TGM5: variants seen among roughly 807,000 people sequenced by gnomAD.
The protein encoded by TGM5 is protein-glutamine gamma-glutamyltransferase 5.
A neutral mutation model predicts 77.2 loss-of-function variants in TGM5; 69 were observed. That is an observed-to-expected ratio of 0.89 (90% CI 0.74 to 1.09). The LOEUF is 1.09. Among genes scored for constraint, TGM5 ranks in the 50% least tolerant of loss-of-function variants. The pLI is 0.00. For synonymous variants in TGM5, 346 were observed against 351.8 expected (o/e 0.98, Z 0.18); for missense variants, 842 against 896.5 (o/e 0.94, Z 0.78).
intron 6 of TGM5, among the ~76,000 whole-genome samples, chr15:43,242,785 G>A (rs2042645953): frequency 6.6e-6 from 1 of 152,226 alleles, no homozygotes; most frequent in African/African-American, 2.4e-5. Flanking sequence ...GTTGTAGGTG[G>A]AGGTGACACA....
chr15:43,247,596 T>C (rs1035472406), intron 6 of TGM5: 46 of 149,518 alleles, frequency 3.1e-4, no homozygotes, highest in African/African-American at 8.9e-4. Flanking sequence ...AAGGGAGTTA[T>C]AGAAAAACAA....
In TGM5 at chr15:43,252,763, G is replaced by A; in HGVS notation, c.858C>T (p.Cys286=). The A allele has an allele frequency of 1.9e-6, 3 of 1,613,792 alleles. No individual in the cohort carries two copies. The highest frequency in any genetic ancestry group is 2.2e-5 in the South Asian group (2 of 91,064). ...GGGGTCCTTTCTACCTCCTACCTGT[G>A]CACATGACGGCAGCAAAGACCCAGC... The part of the protein sequence containing the change: ...GQCWVFAAVM[C]TVMRCLGIPT... Residue 286 remains cysteine, a synonymous_variant, in exon 6 of 13, where the codon TGC becomes TGT. Transcript: ENST00000220420.
In TGM5 at chr15:43,260,110, C is replaced by G; in HGVS notation, c.378G>C (p.Gly126=). Residue 126 remains glycine, a synonymous_variant, in exon 3 of 13, where the codon GGG becomes GGC. Transcript: ENST00000220420. ...CCCCTAGCTGGTAGGCCGTCACAGA[C>G]CCCTGGAAGGAGTCGATGTGGATTT... The part of the protein sequence containing the change: ...LLKIHIDSFQ[G]SVTAYQLGEF... 1 of 1,614,154 alleles carries G rather than the reference C, an allele frequency of 6.2e-7. No individual in the cohort carries two copies. Among genetic ancestry groups the G allele is most frequent in the Non-Finnish European group, 8.5e-7 (1 of 1,180,034 alleles).
chr15:43,237,791 T>C (rs576703136), intron 9 of TGM5, among the ~76,000 whole-genome samples: 11 of 152,268 alleles, frequency 7.2e-5, no homozygotes, highest in Non-Finnish European at 1.3e-4. Flanking sequence ...CCCAGCCAGC[T>C]GTCACTGTGC....
chr15:43,260,932 C>T (rs142163133), intron 1 of TGM5, among the ~76,000 whole-genome samples: 3 of 152,148 alleles, frequency 2.0e-5, no homozygotes, highest in African/African-American at 7.2e-5. Flanking sequence ...GCTTCAGATT[C>T]ACCCCAGCAT....
chr15:43,266,208 CAA>C (rs1192972169), intron 1 of TGM5, among the ~76,000 whole-genome samples: 1 of 152,076 alleles, frequency 6.6e-6, no homozygotes, highest in Admixed American at 6.6e-5. Flanking sequence ...AATTTAAACA[CAA>C]AAAGTAATAA....
chr15:43,243,814 G>T (rs1056438422), intron 6 of TGM5, among the ~76,000 whole-genome samples: 20 of 152,160 alleles, frequency 1.3e-4, no homozygotes, highest in African/African-American at 4.8e-4. Flanking sequence ...TTCCTTTCTA[G>T]TCAAGGACAT....
rs1237907843 is a variant in TGM5 at position 43,235,844 on chromosome 15, T to C, written c.1346-7A>G. The C allele has an allele frequency of 3.7e-6, 6 of 1,613,300 alleles. No individual in the cohort carries two copies. The highest frequency in any genetic ancestry group is 5.1e-6 in the Non-Finnish European group (6 of 1,179,990). The stretch of plus-strand genomic sequence containing the variant: ...TGCCTCTCCTGGAGGGATCCTGAAG[T>C]TGGGGAGAGCACAGCACCAGCTGTG... On this transcript the variant is annotated splice_region_variant and splice_polypyrimidine_tract_variant and intron_variant, in intron 9 of 12. Transcript: ENST00000220420.
chr15:43,233,769 G>A (rs2042566020), intron 11 of TGM5, 82 bp from the exon 12 acceptor site: 1 of 1,555,124 alleles, frequency 6.4e-7, no homozygotes, highest in South Asian at 1.1e-5. Flanking sequence ...ATTCTGTAAG[G>A]TGGCAGGATA....
intron 7 of TGM5, 123 bp from the exon 8 acceptor site, chr15:43,239,389 C>A: frequency 1.0e-6 from 1 of 982,138 alleles, no homozygotes; most frequent in Non-Finnish European, 1.6e-6. Flanking sequence ...GGGCTTAAAA[C>A]CTCTGTGGAT....
chr15:43,239,862 CAG>C (rs2042621220), intron 7 of TGM5: 1 of 162,332 alleles, frequency 6.2e-6, no homozygotes. Flanking sequence ...TGATGACTCA[CAG>C]AGGCACTCGT....
At chr15:43,252,628 A>G (rs1188759316) in intron 6 of TGM5, 131 bp downstream of exon 6, 9 of 1,213,940 alleles carry the variant, frequency 7.4e-6, no homozygotes, top group Non-Finnish European at 1.1e-5. Flanking sequence ...GACATTTCAG[A>G]GAGGAAAAGG....
chr15:43,251,432 A>G (rs995630894), intron 6 of TGM5, among the ~76,000 whole-genome samples: 2 of 151,994 alleles, frequency 1.3e-5, no homozygotes, highest in African/African-American at 4.8e-5. Context: ...TGGCACATAT[A>G]TGCACACGAA....
chr15:43,241,367 G>A (rs572239913), intron 6 of TGM5: 6 of 335,672 alleles, frequency 1.8e-5, no homozygotes, highest in Non-Finnish European at 3.5e-5. Flanking sequence ...AGCCAAAGCT[G>A]GAATTCCATT....
chr15:43,260,390 G>A lies in TGM5; in HGVS notation c.190+10C>T. On this transcript the variant is annotated intron_variant, in intron 2 of 12. Transcript: ENST00000220420. ...ACACACAGCCCCTGTGAGCCAGCTG[G>A]GGTTCTTACCAGTTTCAACCACGAA... 1.2e-6 allele frequency: 2 copies of A among 1,614,184 alleles called. No individual in the cohort carries two copies. The highest frequency in any genetic ancestry group is 1.7e-6 in the Non-Finnish European group (2 of 1,180,040).
chr15:43,263,821 A>T (rs916468683), intron 1 of TGM5, among the ~76,000 whole-genome samples: 4 of 152,246 alleles, frequency 2.6e-5, no homozygotes, highest in African/African-American at 9.6e-5. Flanking sequence ...ATTGGACCTC[A>T]TCAAAATTAA....
At position 43,260,142 on chromosome 15, in the gene TGM5, G is replaced by A. The variant is rs1485657658; in HGVS notation, c.346C>T (p.Leu116Phe). Reference protein sequence around the residue: ...APPTAAVGRYLLKIHIDSFQG... With the variant: ...APPTAAVGRYFLKIHIDSFQG... Reference sequence around the variant, plus strand: ...AAGGAGTCGATGTGGATTTTCAAGAGGTACCGACCCACGGCCGCCGTGGGA... The same window carrying A: ...AAGGAGTCGATGTGGATTTTCAAGAAGTACCGACCCACGGCCGCCGTGGGA... Residue 116 changes from leucine (L) to phenylalanine (F), a missense_variant, in exon 3 of 13, where the codon CTC becomes TTC. Around this residue, in one of 2 missense-constraint regions of TGM5, gnomAD observed 815 missense variants for 844.6 expected, o/e 0.96. Coordinates refer to ENST00000220420, the MANE Select transcript of TGM5 (RefSeq NM_201631.4). 1.2e-6 allele frequency: 2 copies of A among 1,614,190 alleles called. No individual in the cohort carries two copies. The highest frequency in any genetic ancestry group is 2.2e-5 in the East Asian group (1 of 44,882).
intron 3 of TGM5, among the ~76,000 whole-genome samples, chr15:43,258,040 G>A (rs530546354): frequency 3.9e-4 from 60 of 152,226 alleles, no homozygotes; most frequent in South Asian, 2.9e-3. Flanking sequence ...AGAACACTTG[G>A]ACACAGGGTG....
chr15:43,238,798 G>A lies in TGM5; in HGVS notation c.1345+19C>T. On this transcript the variant is annotated intron_variant, in intron 9 of 12. Transcript: ENST00000220420. ...CCTGCAGGGCTGGGGCTCTGAGTAG[G>A]GCTGGCTTGCTTACTTACCTTCTTC... is the stretch of plus-strand genomic sequence containing the variant. The A allele has an allele frequency of 6.2e-7, 1 of 1,613,158 alleles. No individual in the cohort carries two copies.
Sources: allele counts gnomAD v4.1 joint callset (sites outside exome capture counted in the v4.1 genomes callset), GRCh38; gene constraint gnomAD v4.1.1; regional missense constraint gnomAD v4.1.1; transcripts MANE v1.5; gene names NCBI Gene and HGNC (gene_info 2026-07-23, HGNC 2026-07-21).